Variants in MTCL2 observed in about 807,000 individuals in gnomAD.
The protein encoded by MTCL2 is microtubule crosslinking factor 2.
the MTCL2 span, among the ~76,000 whole-genome samples, chr20:36,838,599 A>G: frequency 6.6e-6 from 1 of 152,162 alleles, no homozygotes; most frequent in African/African-American, 2.4e-5. Flanking sequence ...AAAAACAAGA[A>G]GAAAAAGAAA....
chr20:36,837,154 C>G, the MTCL2 span, among the ~76,000 whole-genome samples: 1 of 152,210 alleles, frequency 6.6e-6, no homozygotes, highest in Admixed American at 6.5e-5. Context: ...TCCCTTGGGC[C>G]TTCACTCAGA....
At chr20:36,842,963 C>A in the MTCL2 span, among the ~76,000 whole-genome samples, 1 of 152,252 alleles carries the variant, frequency 6.6e-6, no homozygotes, top group Non-Finnish European at 1.5e-5. Flanking sequence ...TCTCCCTACC[C>A]GTCTTTCCCC....
chr20:36,845,125 A>T, the MTCL2 span, among the ~76,000 whole-genome samples: 1 of 152,232 alleles, frequency 6.6e-6, no homozygotes, highest in Non-Finnish European at 1.5e-5. Flanking sequence ...TGGACCAGTA[A>T]CATCAGCATC....
the MTCL2 span, chr20:36,863,337 G>A: frequency 8.5e-7 from 1 of 1,173,784 alleles, no homozygotes; most frequent in South Asian, 4.2e-5. This position sits in a 1 kb window ranked among gnomAD's most constrained non-coding sequence, Gnocchi z 6.2. Flanking sequence ...GGCCGCCGGC[G>A]CCTCCATCGC....
the MTCL2 span, chr20:36,816,109 C>T: frequency 6.8e-6 from 11 of 1,613,430 alleles, no homozygotes; most frequent in South Asian, 1.1e-5. Flanking sequence ...ACCTTCAGCT[C>T]GGTCTCCCGC....
the MTCL2 span, among the ~76,000 whole-genome samples, chr20:36,803,298 T>C: frequency 6.6e-6 from 1 of 152,216 alleles, no homozygotes; most frequent in Non-Finnish European, 1.5e-5. Context: ...AATAAGGGTT[T>C]GAAGAGCTCT....
At chr20:36,846,851 T>TA in the MTCL2 span, among the ~76,000 whole-genome samples, 1 of 151,946 alleles carries the variant, frequency 6.6e-6, no homozygotes, top group Non-Finnish European at 1.5e-5. Flanking sequence ...TACAAAAAAA[T>TA]ACAAAAAAAT....
chr20:36,847,643 C>T, the MTCL2 span, among the ~76,000 whole-genome samples: 37 of 152,090 alleles, frequency 2.4e-4, no homozygotes, highest in Non-Finnish European at 5.3e-4. Flanking sequence ...CCCTTGAGCT[C>T]AGGAGTTTGA....
chr20:36,826,954 T>G, the MTCL2 span, among the ~76,000 whole-genome samples: 15 of 152,192 alleles, frequency 9.9e-5, no homozygotes, highest in African/African-American at 3.4e-4. Flanking sequence ...CTTCATAGTA[T>G]TCTATGGCTA....
the MTCL2 span, among the ~76,000 whole-genome samples, chr20:36,809,176 C>T: frequency 6.6e-6 from 1 of 152,168 alleles, no homozygotes; most frequent in Admixed American, 6.5e-5. Flanking sequence ...ACAGAGGGAC[C>T]TGGATTAGAG....
the MTCL2 span, among the ~76,000 whole-genome samples, chr20:36,799,077 C>T: frequency 6.6e-6 from 1 of 152,108 alleles, no homozygotes; most frequent in African/African-American, 2.4e-5. Flanking sequence ...AACACTAGGC[C>T]AGGTGTGGCA....
chr20:36,860,662 T>C, the MTCL2 span, among the ~76,000 whole-genome samples: 5 of 152,196 alleles, frequency 3.3e-5, no homozygotes, highest in African/African-American at 9.7e-5. Context: ...GGTGCTCTAA[T>C]GGTGTTTGCA....
At chr20:36,784,621 C>A in the MTCL2 span, 1 of 985,304 alleles carries the variant, frequency 1.0e-6, no homozygotes, top group African/African-American at 1.7e-5. Context: ...TGTGTGCAAC[C>A]AAAAGGGGTT....
At chr20:36,850,399 C>G in the MTCL2 span, among the ~76,000 whole-genome samples, 2 of 151,980 alleles carry the variant, frequency 1.3e-5, no homozygotes, top group East Asian at 3.9e-4. Flanking sequence ...TGGTGGTGCA[C>G]GCCTGTAATC....
the MTCL2 span, chr20:36,783,632 G>T: frequency 6.9e-6 from 2 of 289,142 alleles, no homozygotes; most frequent in Non-Finnish European, 1.0e-5. Flanking sequence ...AGGAGGAAGG[G>T]GGAGAACGGG....
chr20:36,779,038 C>A, the MTCL2 span: 1 of 153,010 alleles, frequency 6.5e-6, no homozygotes, highest in Non-Finnish European at 1.5e-5. Flanking sequence ...GGGAGCAGGG[C>A]CGTTGGGATA....
chr20:36,793,314 G>A, the MTCL2 span: 3 of 1,551,844 alleles, frequency 1.9e-6, no homozygotes, highest in East Asian at 2.4e-5. The surrounding 1 kb of genome is among the most constrained non-coding windows in gnomAD (Gnocchi z 6.8). Context: ...ACCTGGGGGA[G>A]CATGGTGAGT....
chr20:36,819,085 T>C, the MTCL2 span, among the ~76,000 whole-genome samples: 4 of 151,920 alleles, frequency 2.6e-5, no homozygotes, highest in Non-Finnish European at 5.9e-5. Flanking sequence ...AAAAGGTTCA[T>C]AAATTGCTGG....
the MTCL2 span, among the ~76,000 whole-genome samples, chr20:36,851,448 T>C: frequency 1.3e-5 from 2 of 152,124 alleles, no homozygotes; most frequent in African/African-American, 4.8e-5. Flanking sequence ...CCTCGACGCC[T>C]CCTCTCACTG....
Sources: gnomAD v4.1 joint callset for allele counts (sites outside exome capture counted in the v4.1 genomes callset) on GRCh38, gnomAD v4.1.1 for gene constraint, Gnocchi (gnomAD v3.1) non-coding constraint, MANE v1.5 for transcripts, NCBI Gene and HGNC (gene_info 2026-07-23, HGNC 2026-07-21) for gene names.